Variants in MYH9 observed in about 807,000 individuals in gnomAD.
MYH9 encodes myosin heavy chain 9.
A neutral mutation model predicts 241.9 loss-of-function variants in MYH9; 29 were observed. That is an observed-to-expected ratio of 0.12 (90% CI 0.09 to 0.16). The LOEUF (loss-of-function observed/expected upper bound fraction) is 0.16, where lower values mean the gene tolerates loss of function less well. MYH9 is among the 10% of genes least tolerant of loss of function. The probability of loss-of-function intolerance (pLI) is 1.00; values close to 1 mark genes in which losing one functional copy is unlikely to be tolerated. For missense variants in MYH9, 1,803 were observed against 2,595.5 expected, an observed-to-expected ratio of 0.69 and a Z score of 6.63; for synonymous variants, 1,047 against 1,062.6, an observed-to-expected ratio of 0.99 and a Z score of 0.29.
intron 30 of MYH9, among the ~76,000 whole-genome samples, chr22:36,292,853 G>A (rs1354738160): frequency 2.0e-5 from 3 of 152,260 alleles, no homozygotes; most frequent in African/African-American, 7.2e-5. Flanking sequence ...AGGGCAACCA[G>A]TACAGAAAAA....
Position 36,305,917 on chromosome 22 carries a change from G to A in MYH9, c.2159+13C>T, listed in dbSNP as rs201044783. On this transcript the variant is annotated intron_variant, in intron 17 of 40. Coordinates refer to ENST00000216181, the MANE Select transcript of MYH9 (RefSeq NM_002473.6). This position sits in a 1 kb window ranked among gnomAD's most constrained non-coding sequence, Gnocchi z 4.7. ...CAGGGCCCAGGAGAAGCGGGCTCCGGGCCCTGGCTCACCTCTGCCGAAACT... is the reference window on the plus strand; with the variant it reads ...CAGGGCCCAGGAGAAGCGGGCTCCGAGCCCTGGCTCACCTCTGCCGAAACT... 10 of 1,612,668 alleles carry A rather than the reference G, an allele frequency of 6.2e-6. No individual in the cohort carries two copies. Among genetic ancestry groups the A allele is most frequent in the African/African-American group, 1.3e-5 (1 of 74,922 alleles).
chr22:36,335,421 G>A (rs537332866), intron 3 of MYH9, among the ~76,000 whole-genome samples: 6 of 152,344 alleles, frequency 3.9e-5, no homozygotes, highest in Non-Finnish European at 5.9e-5. Context: ...CAGGGCTGGC[G>A]GCCTCCCGGC....
intron 15 of MYH9, among the ~76,000 whole-genome samples, chr22:36,308,626 C>T (rs1242468368): frequency 6.6e-6 from 1 of 151,940 alleles, no homozygotes; most frequent in Non-Finnish European, 1.5e-5. Context: ...TACTACAGGC[C>T]GGCGATAGGC....
chr22:36,284,910 T>C (rs1246636213), intron 38 of MYH9, among the ~76,000 whole-genome samples: 1 of 152,070 alleles, frequency 6.6e-6, no homozygotes, highest in Admixed American at 6.5e-5. Context: ...ACTCCTGGCT[T>C]TAGAGGTGGA....
chr22:36,294,864 G>A (rs530425694), intron 27 of MYH9, 68 bp downstream of exon 27: 11 of 1,598,088 alleles, frequency 6.9e-6, no homozygotes, highest in Non-Finnish European at 9.3e-6. Context: ...TGCAGGACTG[G>A]TTTGGATTCT....
chr22:36,297,067 G>A (rs758275409), intron 24 of MYH9, 53 bp from the exon 25 acceptor site: 30 of 1,586,872 alleles, frequency 1.9e-5, no homozygotes, highest in South Asian at 7.8e-5. Context: ...TTCTGTCTCC[G>A]TGTCAATTAC....
At chr22:36,379,853 G>T (rs906238962) in intron 1 of MYH9, among the ~76,000 whole-genome samples, 2 of 152,342 alleles carry the variant, frequency 1.3e-5, no homozygotes, top group Non-Finnish European at 2.9e-5. Flanking sequence ...CTTCTCTGGG[G>T]ACACCTGCCC....
At position 36,300,712 on chromosome 22, in the gene MYH9, A is replaced by T; in HGVS notation, c.2838+139T>A. 1 of 942,274 alleles carries T rather than the reference A, an allele frequency of 1.1e-6. No homozygotes were observed. The highest frequency in any genetic ancestry group is 1.6e-6 in the Non-Finnish European group (1 of 606,706). 58.4% of individuals were successfully genotyped at this position (942,274 alleles called of 1,614,324 possible). On this transcript the variant is annotated intron_variant, in intron 22 of 40. Transcript: ENST00000216181. This position sits in a 1 kb window ranked among gnomAD's most constrained non-coding sequence, Gnocchi z 5.0. ...TACCAGCCCAAAGGGAACACCTCTC[A>T]CTGAGAGCCCCAAGCAGATTGCGTG... is the stretch of plus-strand genomic sequence containing the variant.
intron 31 of MYH9, among the ~76,000 whole-genome samples, chr22:36,290,317 G>A (rs1391011511): frequency 3.9e-5 from 5 of 127,950 alleles, no homozygotes; most frequent in Non-Finnish European, 7.8e-5. Flanking sequence ...CCCAGCCTGG[G>A]CAACAGACAG....
At chr22:36,323,067 G>A (rs2017281440) in intron 5 of MYH9, among the ~76,000 whole-genome samples, 1 of 152,176 alleles carries the variant, frequency 6.6e-6, no homozygotes, top group Non-Finnish European at 1.5e-5. Context: ...ACCATGACAG[G>A]CAGTGAGCAC....
chr22:36,354,956 AACACACACACACACACACAC>A (rs136203), intron 1 of MYH9, among the ~76,000 whole-genome samples: 3 of 123,712 alleles, frequency 2.4e-5, no homozygotes, highest in East Asian at 4.7e-4. Context: ...CAAAAAACAA[AACACACACACACACACACAC>A]ACACACACAC....
intron 13 of MYH9, among the ~76,000 whole-genome samples, chr22:36,312,487 T>G (rs2017080986): frequency 6.6e-6 from 1 of 152,204 alleles, no homozygotes; most frequent in South Asian, 2.1e-4. Flanking sequence ...TGATGAAAAG[T>G]GCACATCCGC....
chr22:36,338,847 G>A (rs1042801772), intron 3 of MYH9, among the ~76,000 whole-genome samples: 1 of 151,094 alleles, frequency 6.6e-6, no homozygotes, highest in African/African-American at 2.4e-5. Flanking sequence ...AAAAGAAATC[G>A]CCCACCTACC....
At chr22:36,355,876 T>C (rs766278154) in intron 1 of MYH9, among the ~76,000 whole-genome samples, 1 of 152,132 alleles carries the variant, frequency 6.6e-6, no homozygotes, top group Non-Finnish European at 1.5e-5. Flanking sequence ...ACATTGATAA[T>C]GCCACCTCAA....
intron 3 of MYH9, among the ~76,000 whole-genome samples, chr22:36,333,302 G>A (rs545497725): frequency 4.6e-5 from 7 of 152,328 alleles, no homozygotes; most frequent in Middle Eastern, 3.4e-3. Context: ...TCGGAGGAGC[G>A]GTCGGTAGAA....
In MYH9 at chr22:36,321,270, G is replaced by A. The variant is rs191317249; in HGVS notation, c.770-374C>T. 2.5e-3 allele frequency among the ~76,000 whole-genome samples: 378 copies of A among 152,156 alleles called. 1 individual carries two copies. The highest frequency in any genetic ancestry group is 8.5e-3 in the African/African-American group (354 of 41,508). The stretch of plus-strand genomic sequence containing the variant: ...AGCCTTCCATTGTCCTCTTATTCTC[G>A]TCCAAAGGAACTGAACTTCACCAGG... On this transcript the variant is annotated intron_variant, in intron 7 of 40. Transcript: ENST00000216181.
intron 14 of MYH9, among the ~76,000 whole-genome samples, chr22:36,311,711 G>A (rs1031165139): frequency 7.2e-5 from 11 of 152,202 alleles, no homozygotes; most frequent in African/African-American, 2.7e-4. Context: ...AACAGCTTAT[G>A]AGTGGCAGAG....
intron 1 of MYH9, among the ~76,000 whole-genome samples, chr22:36,353,123 G>GTTCA (rs67570989): frequency 6.6e-6 from 1 of 151,658 alleles, no homozygotes; most frequent in African/African-American, 2.4e-5. Context: ...GTGTGTGTGT[G>GTTCA]TGTGTGTGTA....
At chr22:36,354,184 G>T (rs1350120226) in intron 1 of MYH9, among the ~76,000 whole-genome samples, 1 of 151,940 alleles carries the variant, frequency 6.6e-6, no homozygotes, top group Admixed American at 6.6e-5. Context: ...TTACAGGTGT[G>T]AGCCACCACA....
Sources: gnomAD v4.1 joint callset for allele counts (sites outside exome capture counted in the v4.1 genomes callset) on GRCh38, gnomAD v4.1.1 for gene constraint, Gnocchi (gnomAD v3.1) non-coding constraint, MANE v1.5 for transcripts, NCBI Gene and HGNC (gene_info 2026-07-23, HGNC 2026-07-21) for gene names.